Variants in SNX10 observed in about 807,000 individuals in gnomAD.
SNX10 encodes sorting nexin 10.
SNX10 carries 25 observed loss-of-function variants against 28.5 expected under a neutral mutation model. The observed-to-expected ratio is 0.88, with a 90% confidence interval of 0.64 to 1.22. SNX10 has a LOEUF of 1.22. Ranked by LOEUF, SNX10 falls within the 50% of genes most tolerant of loss-of-function variation. SNX10 has a pLI of 0.00. For synonymous variants in SNX10, 62 were observed against 81.4 expected (o/e 0.76, Z 1.28); for missense variants, 223 against 242.6 (o/e 0.92, Z 0.54).
chr7:26,352,016 T>C lies in SNX10; in HGVS notation c.24+5550T>C, dbSNP rs888339130. ...TAACATGTCAATATTGATTAATGAA[T>C]TGTTACAAAGGCAGCATGCTAATAT... is the stretch of plus-strand genomic sequence containing the variant. On this transcript the variant is annotated intron_variant, in intron 2 of 6. Coordinates refer to ENST00000338523, the MANE Select transcript of SNX10 (RefSeq NM_013322.3). Among the ~76,000 whole-genome samples, 14 of 152,208 alleles carry C rather than the reference T, an allele frequency of 9.2e-5. No individual in the cohort carries two copies. The South Asian group carries it at 1.9e-3, about 20-fold the overall frequency.
chr7:26,345,619 A>G (rs991398272), intron 1 of SNX10, among the ~76,000 whole-genome samples: 73 of 152,172 alleles, frequency 4.8e-4, no homozygotes, highest in Admixed American at 2.0e-4. Context: ...GACTCTGGGA[A>G]TACGTGTGGG....
intron 1 of SNX10, among the ~76,000 whole-genome samples, chr7:26,312,799 G>C (rs983869677): frequency 2.6e-5 from 4 of 151,836 alleles, no homozygotes; most frequent in Non-Finnish European, 5.9e-5. Context: ...AAAGAAAATA[G>C]TGGCACCTAA....
At chr7:26,322,306 A>T (rs1370742266) in intron 1 of SNX10, among the ~76,000 whole-genome samples, 1 of 152,222 alleles carries the variant, frequency 6.6e-6, no homozygotes, top group African/African-American at 2.4e-5. Context: ...TTTGCTCTTT[A>T]TATGAAAGGC....
chr7:26,335,451 C>T (rs1787890380), intron 1 of SNX10, among the ~76,000 whole-genome samples: 1 of 152,124 alleles, frequency 6.6e-6, no homozygotes. Context: ...CAGGCTGTGC[C>T]CTAGGTACCC....
At chr7:26,324,530 T>A (rs1787429191) in intron 1 of SNX10, among the ~76,000 whole-genome samples, 1 of 152,148 alleles carries the variant, frequency 6.6e-6, no homozygotes, top group African/African-American at 2.4e-5. Context: ...GGATAATTTT[T>A]AAATTGTTTT....
intron 5 of SNX10, among the ~76,000 whole-genome samples, chr7:26,367,309 G>A (rs1789331205): frequency 6.6e-6 from 1 of 152,166 alleles, no homozygotes; most frequent in African/African-American, 2.4e-5. Context: ...CTTCTAGGGG[G>A]AGCACTGTGT....
chr7:26,334,084 A>T (rs1202687489), intron 1 of SNX10, among the ~76,000 whole-genome samples: 1 of 152,254 alleles, frequency 6.6e-6, no homozygotes, highest in Non-Finnish European at 1.5e-5. Context: ...ATCACTAATT[A>T]AAAGAACCTT....
chr7:26,355,231 C>A (rs1324599568), intron 2 of SNX10, among the ~76,000 whole-genome samples: 1 of 152,194 alleles, frequency 6.6e-6, no homozygotes, highest in African/African-American at 2.4e-5. Context: ...TGTCTTGCTG[C>A]TGTAGCCTTA....
chr7:26,370,372 A>T (rs1789470796), intron 5 of SNX10: 2 of 152,216 alleles, frequency 1.3e-5, no homozygotes, highest in Admixed American at 6.5e-5. Flanking sequence ...ATCATGTGAC[A>T]TGGTCATCTT....
In SNX10 at chr7:26,372,621, C is replaced by G. The variant is rs766277659; in HGVS notation, c.*49C>G. 1.9e-6 allele frequency: 2 copies of G among 1,060,238 alleles called. No homozygotes were observed. The highest frequency in any genetic ancestry group is 3.1e-5 in the African/African-American group (2 of 64,214). The allele number at this position is 1,060,238 out of a possible 1,614,324, so 65.7% of individuals were successfully genotyped here. On this transcript the variant is annotated 3_prime_UTR_variant, in exon 7 of 7. Transcript: ENST00000338523. ...TTAGGAATAGCAAATTATGTCCAGT[C>G]ATAGAGAAGAAAGCTTCATAATAAT...
At chr7:26,312,740 C>T (rs542726016) in intron 1 of SNX10, among the ~76,000 whole-genome samples, 2 of 152,194 alleles carry the variant, frequency 1.3e-5, no homozygotes, top group African/African-American at 2.4e-5. Context: ...GCCGAGATCA[C>T]GCCACTGCAC....
intron 1 of SNX10, among the ~76,000 whole-genome samples, chr7:26,328,330 G>T (rs1447697177): frequency 6.6e-6 from 1 of 152,198 alleles, no homozygotes; most frequent in Non-Finnish European, 1.5e-5. Flanking sequence ...CAACATAGAA[G>T]ATAGTAGAAT....
intron 2 of SNX10, among the ~76,000 whole-genome samples, 189 bp downstream of exon 2, chr7:26,346,655 G>A (rs1471384920): frequency 3.3e-5 from 5 of 152,132 alleles, no homozygotes; most frequent in African/African-American, 7.2e-5. Flanking sequence ...TTGGGTTCCA[G>A]TGACTCAGCT....
At chr7:26,369,352 C>CA (rs1171808096) in intron 5 of SNX10, among the ~76,000 whole-genome samples, 1 of 152,104 alleles carries the variant, frequency 6.6e-6, no homozygotes, top group Non-Finnish European at 1.5e-5. Flanking sequence ...TGGTGGCAGT[C>CA]ACAGCCCTCT....
chr7:26,322,198 GT>G (rs1324149803), intron 1 of SNX10, among the ~76,000 whole-genome samples: 1 of 152,190 alleles, frequency 6.6e-6, no homozygotes, highest in Non-Finnish European at 1.5e-5. Context: ...CTTGAGAAGG[GT>G]TTTGGGGAAT....
At chr7:26,302,281 A>C (rs1056031144) in intron 1 of SNX10, among the ~76,000 whole-genome samples, 2 of 152,124 alleles carry the variant, frequency 1.3e-5, no homozygotes, top group African/African-American at 4.8e-5. Context: ...ACCCATCTCA[A>C]GCTGTGTGGG....
chr7:26,297,311 G>A (rs1300490163), intron 1 of SNX10, among the ~76,000 whole-genome samples: 1 of 152,120 alleles, frequency 6.6e-6, no homozygotes, highest in African/African-American at 2.4e-5. Flanking sequence ...GGCCAGGCTG[G>A]TCTTGAACTC....
Position 26,330,343 on chromosome 7 carries a change from G to A in SNX10, c.-23-16077G>A, listed in dbSNP as rs557068291. Among the ~76,000 whole-genome samples, 3 of 152,202 alleles carry A rather than the reference G, an allele frequency of 2.0e-5. No homozygotes were observed. The East Asian group carries it at 5.8e-4, about 29-fold the overall frequency. The stretch of plus-strand genomic sequence containing the variant: ...GGTTGGTCACATTCCTAGGTTCTAG[G>A]TACTTCTTGGTAGGTTATTGTCTGG... On this transcript the variant is annotated intron_variant, in intron 1 of 6. Coordinates refer to ENST00000338523, the MANE Select transcript of SNX10 (RefSeq NM_013322.3).
chr7:26,359,784 A>C (rs1788991962), intron 2 of SNX10, among the ~76,000 whole-genome samples: 1 of 152,054 alleles, frequency 6.6e-6, no homozygotes, highest in African/African-American at 2.4e-5. Context: ...CTGCCTCACA[A>C]GTAGCTGGGA....
Sources: gnomAD v4.1 joint callset for allele counts (sites outside exome capture counted in the v4.1 genomes callset) on GRCh38, gnomAD v4.1.1 for gene constraint, MANE v1.5 for transcripts, NCBI Gene and HGNC (gene_info 2026-07-23, HGNC 2026-07-21) for gene names.